The following ARSG variants were observed in gnomAD, a reference collection of about 807,000 sequenced individuals.
ARSG encodes the protein arylsulfatase G, also known as ASG.
ARSG carries 37 observed loss-of-function variants against 50.5 expected under a neutral mutation model. The ratio of observed to expected loss-of-function variants is 0.73; its 90% CI spans 0.56 to 0.96. The LOEUF is 0.96. ARSG is among the 50% of genes least tolerant of loss of function. ARSG has a pLI of 0.00. For synonymous variants in ARSG, 225 were observed against 254.6 expected, an observed-to-expected ratio of 0.88 and a Z score of 1.11; for missense variants, 629 against 675.3, an observed-to-expected ratio of 0.93 and a Z score of 0.76.
At chr17:68,329,094 G>A (rs1180063312) in intron 2 of ARSG, among the ~76,000 whole-genome samples, 2 of 152,226 alleles carry the variant, frequency 1.3e-5, no homozygotes, top group Admixed American at 6.5e-5. Context: ...GGGTGTAGCC[G>A]GGTCAGGGAG....
Position 68,343,597 on chromosome 17 carries a change from C to T in ARSG, c.219-7C>T, listed in dbSNP as rs773305772. On this transcript the variant is annotated splice_region_variant and splice_polypyrimidine_tract_variant and intron_variant, in intron 2 of 11. Transcript: ENST00000621439. ...GTGCGGTCCTGACCACTGTCCTTTC[C>T]CTGCAGGTTTGTGGATTTCCATGCA... 6.2e-7 allele frequency: 1 copy of T among 1,601,464 alleles called. No individual in the cohort carries two copies. The highest frequency in any genetic ancestry group is 1.3e-5 in the African/African-American group (1 of 74,888).
chr17:68,394,437 AC>A (rs2081141164), intron 9 of ARSG, among the ~76,000 whole-genome samples: 1 of 152,136 alleles, frequency 6.6e-6, no homozygotes, highest in South Asian at 2.1e-4. Context: ...CCTTGTCTCT[AC>A]AAAAAAATAA....
At position 68,331,491 on chromosome 17, in the gene ARSG, G is replaced by A. The variant is rs188128937; in HGVS notation, c.219-12113G>A. ...GATCTCCTGACCTCATGATCTGCCC[G>A]CCTTGGCCTCCCAAAGTGCTGGGAT... On this transcript the variant is annotated intron_variant, in intron 2 of 11. Coordinates refer to ENST00000621439, the MANE Select transcript of ARSG (RefSeq NM_001267727.2). 2.8e-3 allele frequency among the ~76,000 whole-genome samples: 428 copies of A among 152,128 alleles called. 4 individuals carry two copies. The highest frequency in any genetic ancestry group is 9.6e-3 in the African/African-American group (399 of 41,494).
intron 2 of ARSG, among the ~76,000 whole-genome samples, chr17:68,309,009 G>A (rs960636838): frequency 3.9e-5 from 6 of 152,246 alleles, no homozygotes; most frequent in Non-Finnish European, 2.9e-5. Flanking sequence ...CACGGAGGGG[G>A]TGGGAGGCTC....
At chr17:68,263,548 C>A (rs1555745683) in intron 1 of ARSG, among the ~76,000 whole-genome samples, 1 of 152,230 alleles carries the variant, frequency 6.6e-6, no homozygotes. Flanking sequence ...GGACTCACTG[C>A]AACCTCTGCC....
At chr17:68,411,358 T>C (rs2081987490) in intron 11 of ARSG, among the ~76,000 whole-genome samples, 1 of 151,960 alleles carries the variant, frequency 6.6e-6, no homozygotes, top group Non-Finnish European at 1.5e-5. Context: ...AACATCTTTA[T>C]TTCTGCCTTC....
chr17:68,285,190 A>G (rs1345804329), intron 1 of ARSG, among the ~76,000 whole-genome samples: 1 of 152,268 alleles, frequency 6.6e-6, no homozygotes, highest in Non-Finnish European at 1.5e-5. Context: ...AGGACTCAGT[A>G]GCTACTAAGA....
chr17:68,379,421 A>ATTT (rs375841879), intron 8 of ARSG, among the ~76,000 whole-genome samples: 10,343 of 72,154 alleles, frequency 0.14, 1,959 homozygotes, highest in Non-Finnish European at 0.19. Context: ...GAACACTACA[A>ATTT]TTTTTTTTTT....
chr17:68,401,137 C>T, intron 10 of ARSG: 1 of 518,190 alleles, frequency 1.9e-6, no homozygotes. Context: ...AATCCTCTCA[C>T]CTCAGCTTCC....
chr17:68,395,667 G>A (rs1189769237), intron 10 of ARSG, among the ~76,000 whole-genome samples: 2 of 152,174 alleles, frequency 1.3e-5, no homozygotes, highest in Non-Finnish European at 1.5e-5. Flanking sequence ...TCCCTATAAT[G>A]GGCAATTTCT....
At chr17:68,311,057 A>T (rs2076833787) in intron 2 of ARSG, among the ~76,000 whole-genome samples, 1 of 152,156 alleles carries the variant, frequency 6.6e-6, no homozygotes, top group African/African-American at 2.4e-5. Flanking sequence ...AATTAGCCAG[A>T]TGTGGCGGTG....
intron 2 of ARSG, among the ~76,000 whole-genome samples, chr17:68,312,376 A>G (rs1448985376): frequency 1.3e-5 from 2 of 152,198 alleles, no homozygotes. Context: ...GAGTTCATCC[A>G]TTCATGAACA....
chr17:68,430,316 T>TATTATTCTGGCAATAACTAAA, the ARSG span, among the ~76,000 whole-genome samples: 12 of 152,152 alleles, frequency 7.9e-5, no homozygotes, highest in Non-Finnish European at 1.5e-4. Context: ...ATCCAGGACG[T>TATTATTCTGGCAATAACTAAA]ATTATTCTGG....
intron 2 of ARSG, among the ~76,000 whole-genome samples, chr17:68,326,721 G>C (rs1243356116): frequency 3.3e-5 from 5 of 152,214 alleles, no homozygotes; most frequent in African/African-American, 1.2e-4. Context: ...TGTCTGGCTG[G>C]AGGGGAGAGA....
At chr17:68,446,434 G>A in the ARSG span, among the ~76,000 whole-genome samples, 2 of 151,884 alleles carry the variant, frequency 1.3e-5, no homozygotes, top group Non-Finnish European at 2.9e-5. Flanking sequence ...CTCCTGCCTC[G>A]GCCTCCCAAA....
chr17:68,415,850 G>C (rs2082332082), intron 11 of ARSG, among the ~76,000 whole-genome samples: 1 of 152,064 alleles, frequency 6.6e-6, no homozygotes, highest in African/African-American at 2.4e-5. Flanking sequence ...CTTACTTTTG[G>C]TGTTCATTTG....
At chr17:68,375,433 C>T (rs2080097573) in intron 8 of ARSG, among the ~76,000 whole-genome samples, 1 of 152,180 alleles carries the variant, frequency 6.6e-6, no homozygotes, top group African/African-American at 2.4e-5. Flanking sequence ...GGATGGGTCC[C>T]AGGAATCTGT....
chr17:68,380,070 T>C (rs2080356508), intron 8 of ARSG, among the ~76,000 whole-genome samples: 1 of 152,178 alleles, frequency 6.6e-6, no homozygotes, highest in African/African-American at 2.4e-5. Context: ...CCTCCTCCTC[T>C]TCTTCCTTAG....
the ARSG span, among the ~76,000 whole-genome samples, chr17:68,443,162 G>A: frequency 6.6e-6 from 1 of 152,116 alleles, no homozygotes; most frequent in South Asian, 2.1e-4. Flanking sequence ...CCAGGCTGGA[G>A]TGCAGTGGTG....
Sources: allele counts gnomAD v4.1 joint callset (sites outside exome capture counted in the v4.1 genomes callset), GRCh38; gene constraint gnomAD v4.1.1; transcripts MANE v1.5; gene names NCBI Gene and HGNC (gene_info 2026-07-23, HGNC 2026-07-21).